The following CFAP92 variants were observed in gnomAD, a reference collection of about 807,000 sequenced individuals.
CFAP92 encodes cilia and flagella associated protein 92 (putative).
CFAP92 carries 86 observed loss-of-function variants against 106.3 expected under a neutral mutation model. The observed-to-expected ratio is 0.81, with a 90% CI of 0.68 to 0.97. CFAP92 has a LOEUF of 0.97. CFAP92 is among the 50% of genes least tolerant of loss of function. The pLI, the probability that CFAP92 is intolerant of heterozygous loss-of-function variation, is 0.00. For missense variants in CFAP92, 1,204 were observed against 1,283.8 expected (o/e 0.94, Z 0.95); for synonymous variants, 477 against 506.4 (o/e 0.94, Z 0.78).
chr3:128,935,170 A>G lies in CFAP92; in HGVS notation c.2408T>C (p.Phe803Ser). 1 of 1,535,612 alleles carries G rather than the reference A, an allele frequency of 6.5e-7. No homozygotes were observed. Among genetic ancestry groups the G allele is most frequent in the Non-Finnish European group, 8.7e-7 (1 of 1,146,552 alleles). The change falls in exon 11 of 16, where the codon TTC (phenylalanine) becomes TCC (serine). Residue 803 changes from phenylalanine (F) to serine (S), a missense_variant. Phe to Ser is a radical substitution (Grantham distance 155). Coordinates refer to ENST00000645291, the MANE Select transcript of CFAP92 (RefSeq NM_001394090.1). Reference sequence around the variant, plus strand: ...CCGCCTCCGCTCAGTGTCTCGCAGGAAGAACACCGCCTGCTGCAGCAGCAG... The same window carrying G: ...CCGCCTCCGCTCAGTGTCTCGCAGGGAGAACACCGCCTGCTGCAGCAGCAG... ...TELLLQQAVF[F>S]LRDTERRRVF...
the CFAP92 span, among the ~76,000 whole-genome samples, chr3:129,011,105 C>T: frequency 6.6e-6 from 1 of 152,160 alleles, no homozygotes; most frequent in Non-Finnish European, 1.5e-5. Context: ...GTGTGACCTG[C>T]AGCAAGCCAT....
In CFAP92 at chr3:128,945,874, G is replaced by C; in HGVS notation, c.1455C>G (p.Ile485Met). The C allele has an allele frequency of 6.8e-7, 1 of 1,477,658 alleles. No individual in the cohort carries two copies. Among genetic ancestry groups the C allele is most frequent in the Non-Finnish European group, 8.9e-7 (1 of 1,122,640 alleles). 91.5% of individuals were successfully genotyped at this position (1,477,658 alleles called of 1,614,324 possible). A position where few individuals can be genotyped will look rare whatever the true frequency, so the allele number is the denominator to read the frequency against. The change falls in exon 10 of 16, where the codon ATC becomes ATG. Residue 485 changes from isoleucine to methionine, a missense_variant. Physicochemically the swap from Ile to Met is conservative, Grantham distance 10. Coordinates refer to ENST00000645291, the MANE Select transcript of CFAP92 (RefSeq NM_001394090.1). Reference sequence around the variant, plus strand: ...GCAGTGCCCCAAGGAAGATGACGTTGATGTCCTGGAAATAAACGTGGGTTC... The same window carrying C: ...GCAGTGCCCCAAGGAAGATGACGTTCATGTCCTGGAAATAAACGTGGGTTC... The part of the protein sequence containing the change: ...PHGTHVYFQD[I>M]NVIFLGALHP...
intron 11 of CFAP92, among the ~76,000 whole-genome samples, chr3:128,934,569 C>A (rs764730940): frequency 5.3e-5 from 8 of 150,468 alleles, no homozygotes; most frequent in Admixed American, 4.0e-4. Flanking sequence ...GTCTCACTGT[C>A]GCCCAGGCTG....
intron 10 of CFAP92, among the ~76,000 whole-genome samples, chr3:128,941,201 T>C (rs1295273132): frequency 6.6e-6 from 1 of 152,162 alleles, no homozygotes; most frequent in African/African-American, 2.4e-5. Flanking sequence ...TAAAAATTAG[T>C]TTTTGTAGGT....
rs778894341 is a variant in CFAP92 at position 128,915,336 on chromosome 3, A to C, written c.3123+21T>G. ...GGTCCCTATGGACACCCCACCTGAGACCCTGCTCTTCCCTGTGGACCTCAT... is the reference window on the plus strand; with the variant it reads ...GGTCCCTATGGACACCCCACCTGAGCCCCTGCTCTTCCCTGTGGACCTCAT... On this transcript the variant is annotated intron_variant, in intron 14 of 15. Coordinates refer to ENST00000645291, the MANE Select transcript of CFAP92 (RefSeq NM_001394090.1). 2.7e-5 allele frequency: 41 copies of C among 1,535,896 alleles called. No individual in the cohort carries two copies. The South Asian group carries it at 4.8e-4, about 18-fold the overall frequency.
At chr3:128,974,682 G>A (rs1943027544) in intron 7 of CFAP92, among the ~76,000 whole-genome samples, 1 of 152,104 alleles carries the variant, frequency 6.6e-6, no homozygotes, top group Non-Finnish European at 1.5e-5. Flanking sequence ...TTAGCTGGGT[G>A]TGGTGGTGGA....
At chr3:128,916,009 G>T in intron 13 of CFAP92, 98 bp downstream of exon 13, 1 of 850,706 alleles carries the variant, frequency 1.2e-6, no homozygotes, top group Non-Finnish European at 1.6e-6. Context: ...GCTTTCATCT[G>T]TATAGTTGAG....
intron 12 of CFAP92, among the ~76,000 whole-genome samples, chr3:128,923,925 G>C (rs1559854640): frequency 6.6e-6 from 1 of 152,194 alleles, no homozygotes; most frequent in African/African-American, 2.4e-5. Flanking sequence ...CAGCCAATGG[G>C]TTGTCCACAA....
At chr3:128,965,064 T>A (rs1216231624) in intron 9 of CFAP92, among the ~76,000 whole-genome samples, 3 of 152,184 alleles carry the variant, frequency 2.0e-5, no homozygotes, top group African/African-American at 4.8e-5. Context: ...AAATAAAAAC[T>A]GCCTTAACTG....
chr3:128,928,693 T>C (rs1415154820), intron 12 of CFAP92, among the ~76,000 whole-genome samples: 3 of 152,180 alleles, frequency 2.0e-5, no homozygotes, highest in Non-Finnish European at 4.4e-5. Flanking sequence ...AGAGTAAGTG[T>C]AAGAGAAAGG....
intron 9 of CFAP92, among the ~76,000 whole-genome samples, chr3:128,964,403 A>G (rs2107766451): frequency 6.6e-6 from 1 of 152,198 alleles, no homozygotes; most frequent in African/African-American, 2.4e-5. Context: ...CATCCCTACT[A>G]TCTTTTGTCT....
chr3:129,014,991 C>T, the CFAP92 span, among the ~76,000 whole-genome samples: 5 of 152,298 alleles, frequency 3.3e-5, 1 homozygote, highest in South Asian at 6.2e-4. This position sits in a 1 kb window ranked among gnomAD's most constrained non-coding sequence, Gnocchi z 4.3. Flanking sequence ...AGCCCCAGCA[C>T]CACTCCTGGA....
At position 128,933,037 on chromosome 3, in the gene CFAP92, C is replaced by T. The variant is rs554758710; in HGVS notation, c.2454-40G>A. 2,199 of 1,522,688 alleles carry T rather than the reference C, an allele frequency of 1.4e-3. 3 individuals are homozygous for T. Among genetic ancestry groups the T allele is most frequent in the Non-Finnish European group, 1.8e-3 (2,024 of 1,135,024 alleles). The allele number at this position is 1,522,688 out of a possible 1,614,324, so 94.3% of individuals were successfully genotyped here. A position where few individuals can be genotyped will look rare whatever the true frequency, so the allele number is the denominator to read the frequency against. ...CACTGCCCCACTGAACCTCTCCTACCTTGCAAGACAGGTGTAATCACTCCC... is the reference window on the plus strand; with the variant it reads ...CACTGCCCCACTGAACCTCTCCTACTTTGCAAGACAGGTGTAATCACTCCC... On this transcript the variant is annotated intron_variant, in intron 11 of 15. Coordinates refer to ENST00000645291, the MANE Select transcript of CFAP92 (RefSeq NM_001394090.1).
At chr3:129,026,122 T>C in the CFAP92 span, among the ~76,000 whole-genome samples, 1 of 152,256 alleles carries the variant, frequency 6.6e-6, no homozygotes, top group Non-Finnish European at 1.5e-5. Context: ...GTTTGAAATA[T>C]TGAGAACAGC....
intron 10 of CFAP92, among the ~76,000 whole-genome samples, chr3:128,943,901 C>T (rs1352705040): frequency 7.4e-6 from 1 of 134,480 alleles, no homozygotes; most frequent in Admixed American, 7.4e-5. Flanking sequence ...AGTTGATAAA[C>T]ATTTGGGTTA....
Position 128,978,061 on chromosome 3 carries a change from G to C in CFAP92, c.792C>G (p.His264Gln). Residue 264 changes from histidine to glutamine, a missense_variant, in exon 5 of 16, where the codon CAC (histidine) becomes CAG (glutamine). Transcript: ENST00000645291. Reference sequence around the variant, plus strand: ...TCCGCTCACCTTGCAAAGACTTTGGGTGTTTTTCTGTTTTTTCTTGTTTTC... The same window carrying C: ...TCCGCTCACCTTGCAAAGACTTTGGCTGTTTTTCTGTTTTTTCTTGTTTTC... ...PPGKQEKTEK[H>Q]PKSLQGSHQA... 1 of 1,613,982 alleles carries C rather than the reference G, an allele frequency of 6.2e-7. No homozygotes were observed. Among genetic ancestry groups the C allele is most frequent in the Non-Finnish European group, 8.5e-7 (1 of 1,179,878 alleles).
At chr3:128,999,696 G>A (rs987389691) in intron 1 of CFAP92, among the ~76,000 whole-genome samples, 3 of 151,022 alleles carry the variant, frequency 2.0e-5, no homozygotes, top group African/African-American at 7.4e-5. Context: ...CTGCCACCAC[G>A]CCCAGCTAAC....
At chr3:128,936,604 GTCTTA>G (rs1559871224) in intron 10 of CFAP92, among the ~76,000 whole-genome samples, 2 of 152,112 alleles carry the variant, frequency 1.3e-5, no homozygotes, top group African/African-American at 4.8e-5. Context: ...CCTGAAGCCA[GTCTTA>G]TCTTATAGCT....
chr3:128,911,877 CAG>C (rs1936366297), intron 15 of CFAP92, among the ~76,000 whole-genome samples: 1 of 152,244 alleles, frequency 6.6e-6, no homozygotes, highest in African/African-American at 2.4e-5. Flanking sequence ...CAGTGCCCTG[CAG>C]AGGTCTCAGG....
Sources: gnomAD v4.1 joint callset for allele counts (sites outside exome capture counted in the v4.1 genomes callset) on GRCh38, gnomAD v4.1.1 for gene constraint, Gnocchi (gnomAD v3.1) non-coding constraint, MANE v1.5 for transcripts, NCBI Gene and HGNC (gene_info 2026-07-23, HGNC 2026-07-21) for gene names.